The following CEP112 variants were observed in gnomAD, a reference collection of about 807,000 sequenced individuals.
CEP112 encodes the protein centrosomal protein of 112 kDa.
Under a neutral mutation model 153.0 loss-of-function variants are expected in CEP112, and 127 were observed. That is an observed-to-expected ratio of 0.83 (90% CI 0.72 to 0.96). The LOEUF (loss-of-function observed/expected upper bound fraction) is 0.96, where lower values mean the gene tolerates loss of function less well. CEP112 is among the 40% of genes least tolerant of loss of function. The probability of loss-of-function intolerance (pLI) is 0.00; values close to 1 mark genes in which losing one functional copy is unlikely to be tolerated. For synonymous variants in CEP112, 358 were observed against 374.4 expected (o/e 0.96, Z 0.51); for missense variants, 1,089 against 1,101.2 (o/e 0.99, Z 0.16).
chr17:65,820,208 G>C (rs1441144032), intron 21 of CEP112, among the ~76,000 whole-genome samples: 1 of 151,876 alleles, frequency 6.6e-6, no homozygotes, highest in Non-Finnish European at 1.5e-5. Flanking sequence ...TAGCTTCCTC[G>C]TGTTATCCCC....
intron 16 of CEP112, among the ~76,000 whole-genome samples, chr17:66,018,406 C>T (rs539659879): frequency 5.9e-5 from 9 of 152,182 alleles, no homozygotes; most frequent in African/African-American, 2.2e-4. Context: ...ACTAGATATA[C>T]TGTGGCAGAC....
chr17:65,698,953 T>C (rs232140), intron 23 of CEP112, among the ~76,000 whole-genome samples: 1,850 of 152,300 alleles, frequency 0.012, 31 homozygotes, highest in African/African-American at 0.042. Flanking sequence ...AAAGACTAAT[T>C]CACACATGCC....
At chr17:65,885,009 C>A (rs1328721443) in intron 20 of CEP112, among the ~76,000 whole-genome samples, 1 of 151,962 alleles carries the variant, frequency 6.6e-6, no homozygotes, top group Non-Finnish European at 1.5e-5. Context: ...AGCCATCGCG[C>A]CCGGCCTAGT....
At chr17:66,092,521 A>T (rs971240532) in intron 8 of CEP112, among the ~76,000 whole-genome samples, 2 of 152,064 alleles carry the variant, frequency 1.3e-5, no homozygotes, top group Non-Finnish European at 2.9e-5. Context: ...AACTCATATT[A>T]TGAGGCCAAC....
At chr17:66,176,581 T>A (rs2072484195) in intron 3 of CEP112, 1 of 306,508 alleles carries the variant, frequency 3.3e-6, no homozygotes, top group Non-Finnish European at 5.9e-6. Flanking sequence ...ATAAAAAATT[T>A]CGTTTTCAGT....
intron 17 of CEP112, among the ~76,000 whole-genome samples, chr17:65,966,558 A>T (rs2062422296): frequency 6.6e-6 from 1 of 152,214 alleles, no homozygotes; most frequent in African/African-American, 2.4e-5. Flanking sequence ...AGTCTGAAAA[A>T]CAGCTAGAAG....
chr17:65,795,801 G>A (rs1332997767), intron 21 of CEP112, among the ~76,000 whole-genome samples: 1 of 152,038 alleles, frequency 6.6e-6, no homozygotes, highest in East Asian at 1.9e-4. Context: ...GACAGAGTGA[G>A]GCTCTGTCTC....
At chr17:66,009,189 TTGTGTGTG>T (rs34971943) in intron 16 of CEP112, among the ~76,000 whole-genome samples, 60,746 of 146,682 alleles carry the variant, frequency 0.41, 13,748 homozygotes, top group Non-Finnish European at 0.53. Context: ...TGTTATCCCT[TTGTGTGTG>T]TGTGTGTGTG....
chr17:66,028,285 T>C, intron 15 of CEP112, 28 bp downstream of exon 15: 3 of 1,346,030 alleles, frequency 2.2e-6, no homozygotes, highest in South Asian at 2.5e-5. Context: ...TTGACCATTG[T>C]TCTTCTGTGT....
chr17:65,650,268 G>A (rs2045675160), intron 24 of CEP112, among the ~76,000 whole-genome samples: 1 of 152,158 alleles, frequency 6.6e-6, no homozygotes, highest in Non-Finnish European at 1.5e-5. Context: ...TAGGCACCCA[G>A]GGGGAGGGAG....
chr17:65,793,332 T>C (rs1486804212), intron 21 of CEP112, among the ~76,000 whole-genome samples: 3 of 151,950 alleles, frequency 2.0e-5, no homozygotes, highest in African/African-American at 7.3e-5. Flanking sequence ...ATGGGGCCTG[T>C]TGGAAGGTGG....
chr17:65,920,359 C>CAAAAAAAAAAAAA (rs1555713306), intron 19 of CEP112, among the ~76,000 whole-genome samples: 1 of 29,830 alleles, frequency 3.4e-5, no homozygotes, highest in African/African-American at 1.3e-4. Flanking sequence ...AACAAACAAA[C>CAAAAAAAAAAAAA]AAAATATATA....
chr17:65,694,473 C>T (rs1381558690), intron 23 of CEP112, among the ~76,000 whole-genome samples: 1 of 152,136 alleles, frequency 6.6e-6, no homozygotes, highest in Non-Finnish European at 1.5e-5. Context: ...TTCAAAAAGG[C>T]AGGCCTTTAA....
At chr17:66,036,161 A>G (rs1310110286) in intron 12 of CEP112, among the ~76,000 whole-genome samples, 1 of 152,248 alleles carries the variant, frequency 6.6e-6, no homozygotes, top group African/African-American at 2.4e-5. Flanking sequence ...TATCTGAAAT[A>G]GTCAAACCCA....
chr17:65,914,696 C>T (rs1187507009), intron 19 of CEP112, among the ~76,000 whole-genome samples: 1 of 152,158 alleles, frequency 6.6e-6, no homozygotes, highest in Non-Finnish European at 1.5e-5. Flanking sequence ...CTCTCTGCAT[C>T]ATCAATATTT....
intron 21 of CEP112, among the ~76,000 whole-genome samples, chr17:65,759,058 A>G (rs536452967): frequency 3.9e-5 from 6 of 152,092 alleles, no homozygotes; most frequent in Non-Finnish European, 7.4e-5. Flanking sequence ...GCCAGCCAAA[A>G]CCCACCAAAA....
chr17:65,712,501 T>C (rs2049248514), intron 23 of CEP112, among the ~76,000 whole-genome samples: 1 of 151,456 alleles, frequency 6.6e-6, no homozygotes, highest in African/African-American at 2.5e-5. Context: ...ATTTATGGCA[T>C]ATTAAAAATG....
At chr17:65,884,008 C>T (rs2059182924) in intron 20 of CEP112, among the ~76,000 whole-genome samples, 1 of 152,088 alleles carries the variant, frequency 6.6e-6, no homozygotes, top group African/African-American at 2.4e-5. Context: ...CAGTTCTGGA[C>T]CTATGAAGTT....
chr17:65,873,616 T>C (rs192347982), intron 20 of CEP112: 1 of 152,256 alleles, frequency 6.6e-6, no homozygotes, highest in African/African-American at 2.4e-5. Flanking sequence ...CCTAAGTAAG[T>C]TCTAGCAGGA....
Sources: allele counts gnomAD v4.1 joint callset (sites outside exome capture counted in the v4.1 genomes callset), GRCh38; gene constraint gnomAD v4.1.1; transcripts MANE v1.5; gene names NCBI Gene and HGNC (gene_info 2026-07-23, HGNC 2026-07-21).